FBXL13: variants seen among roughly 807,000 people sequenced by gnomAD.
The protein encoded by FBXL13 is F-box and leucine-rich repeat protein 13.
In FBXL13, 67 loss-of-function variants were observed where a neutral mutation model predicts 83.6. The observed-to-expected ratio is 0.80, with a 90% CI of 0.66 to 0.98. FBXL13 has a LOEUF of 0.98. FBXL13 is among the 50% of genes least tolerant of loss of function. FBXL13 has a pLI of 0.00. For synonymous variants in FBXL13, 272 were observed against 299.5 expected, an observed-to-expected ratio of 0.91 and a Z score of 0.95; for missense variants, 822 against 866.5, an observed-to-expected ratio of 0.95 and a Z score of 0.64.
chr7:102,816,325 G>A (rs1199530755), intron 19 of FBXL13: 1 of 152,232 alleles, frequency 6.6e-6, no homozygotes, highest in Non-Finnish European at 1.5e-5. Context: ...AGCAAGGGTG[G>A]TCCTAGGGAA....
At chr7:102,923,859 T>C (rs765202296) in intron 10 of FBXL13, among the ~76,000 whole-genome samples, 1 of 151,856 alleles carries the variant, frequency 6.6e-6, no homozygotes, top group African/African-American at 2.4e-5. Flanking sequence ...ATTTTAGATA[T>C]ATAAGAAGGA....
chr7:102,909,486 A>G (rs1814304112), intron 11 of FBXL13, among the ~76,000 whole-genome samples: 1 of 152,004 alleles, frequency 6.6e-6, no homozygotes, highest in South Asian at 2.1e-4. Flanking sequence ...CTAGCTGGTA[A>G]TATGCTGAGT....
chr7:102,939,009 A>G (rs549812255), intron 8 of FBXL13, among the ~76,000 whole-genome samples: 25 of 152,096 alleles, frequency 1.6e-4, no homozygotes, highest in Non-Finnish European at 2.2e-4. Flanking sequence ...TTTTCGACCC[A>G]TTTATTTGTG....
At position 102,948,516 on chromosome 7, in the gene FBXL13, C is replaced by T. The variant is rs369726035; in HGVS notation, c.724+15017G>A. 1.1e-4 allele frequency among the ~76,000 whole-genome samples: 17 copies of T among 149,298 alleles called. No homozygotes were observed. The East Asian group carries it at 2.0e-3, about 18-fold the overall frequency. ...TCGGCTCACTGCAACTTCCACCTTC[C>T]GGGTTCAAGCAATTCTCCTGCCTCA... On this transcript the variant is annotated intron_variant, in intron 8 of 19. Transcript: ENST00000313221.
At chr7:102,905,775 G>A (rs1813654234) in intron 11 of FBXL13, among the ~76,000 whole-genome samples, 1 of 151,800 alleles carries the variant, frequency 6.6e-6, no homozygotes, top group African/African-American at 2.4e-5. Flanking sequence ...AGTTTTTTGT[G>A]TATCTACTGT....
intron 7 of FBXL13, among the ~76,000 whole-genome samples, chr7:102,964,954 CAGAAAG>C (rs959558492): frequency 1.3e-5 from 2 of 152,126 alleles, no homozygotes; most frequent in African/African-American, 4.8e-5. Context: ...AAGCACAACT[CAGAAAG>C]AGAAAATCTA....
At chr7:102,930,242 C>T (rs180816271) in intron 9 of FBXL13, among the ~76,000 whole-genome samples, 1 of 152,296 alleles carries the variant, frequency 6.6e-6, no homozygotes, top group Non-Finnish European at 1.5e-5. Flanking sequence ...GCGAGGAGGG[C>T]TTGGCCTTCA....
intron 16 of FBXL13, among the ~76,000 whole-genome samples, chr7:102,872,849 T>A (rs1808707772): frequency 6.6e-6 from 1 of 152,168 alleles, no homozygotes; most frequent in African/African-American, 2.4e-5. Flanking sequence ...CTGTTTATAT[T>A]AGAAGAGGCA....
At chr7:103,053,981 T>C (rs1248087661) in intron 2 of FBXL13, among the ~76,000 whole-genome samples, 1 of 152,160 alleles carries the variant, frequency 6.6e-6, no homozygotes, top group East Asian at 1.9e-4. Flanking sequence ...ATGCCTCAAA[T>C]TGTTTTTGCC....
intron 17 of FBXL13, among the ~76,000 whole-genome samples, chr7:102,834,086 A>AAGGAAGGAAGGG (rs1562925844): frequency 1.1e-5 from 1 of 93,694 alleles, no homozygotes. Context: ...GGAAGGAAAG[A>AAGGAAGGAAGGG]AAAGAAAGAA....
At chr7:103,029,948 T>C (rs1465147681) in intron 2 of FBXL13, among the ~76,000 whole-genome samples, 1 of 152,220 alleles carries the variant, frequency 6.6e-6, no homozygotes, top group Non-Finnish European at 1.5e-5. Flanking sequence ...CACAATAACA[T>C]GTGGCAACAG....
chr7:102,883,659 A>G lies in FBXL13; in HGVS notation c.1134T>C (p.Ile378=), dbSNP rs367854982. ...GTGCACCAGTGAAAACCAGCGATGT[A>G]ATACGAGAGCATTTTTCAACTAAAG... The change falls in exon 13 of 20, where the codon ATT becomes ATC. Residue 378 remains isoleucine, a synonymous_variant. Coordinates refer to ENST00000313221, the Ensembl canonical transcript of FBXL13. The G allele has an allele frequency of 2.5e-6, 4 of 1,609,524 alleles. No homozygotes were observed. The African/African-American group carries it at 4.0e-5, about 16-fold the overall frequency.
At chr7:103,061,394 C>T (rs1291906332) in intron 1 of FBXL13, among the ~76,000 whole-genome samples, 1 of 152,100 alleles carries the variant, frequency 6.6e-6, no homozygotes. Flanking sequence ...AAATCATGTG[C>T]TTTTCTTTGT....
chr7:102,869,968 A>G (rs545041124), intron 16 of FBXL13, among the ~76,000 whole-genome samples: 2 of 152,334 alleles, frequency 1.3e-5, no homozygotes, highest in South Asian at 4.1e-4. Flanking sequence ...ATTAGACTCT[A>G]TCAATGACTA....
intron 11 of FBXL13, among the ~76,000 whole-genome samples, chr7:102,887,124 T>C (rs1195660294): frequency 2.6e-5 from 4 of 152,214 alleles, no homozygotes; most frequent in Non-Finnish European, 4.4e-5. Flanking sequence ...CTCATGATAT[T>C]ATTTCATGAA....
At chr7:103,058,651 G>A (rs1336171852) in intron 1 of FBXL13, among the ~76,000 whole-genome samples, 2 of 152,176 alleles carry the variant, frequency 1.3e-5, no homozygotes, top group African/African-American at 2.4e-5. Flanking sequence ...ATCACCTGGA[G>A]AATGAATTTG....
At chr7:103,025,353 C>A in intron 5 of FBXL13, 123 bp from the exon 7 acceptor site, 2 of 557,350 alleles carry the variant, frequency 3.6e-6, no homozygotes, top group African/African-American at 1.9e-5. Flanking sequence ...TGATCGTCAT[C>A]ATTACTACAT....
chr7:102,820,345 G>A (rs183808183), intron 19 of FBXL13, among the ~76,000 whole-genome samples: 3 of 152,298 alleles, frequency 2.0e-5, no homozygotes, highest in East Asian at 3.9e-4. Context: ...ATAGGCCTTC[G>A]GCTGTCATGG....
intron 6 of FBXL13, among the ~76,000 whole-genome samples, chr7:102,983,878 C>T (rs1828601094): frequency 6.6e-6 from 1 of 152,126 alleles, no homozygotes; most frequent in African/African-American, 2.4e-5. Flanking sequence ...ATAAGACTCT[C>T]CCTCAGGGCA....
Sources: gnomAD v4.1 joint callset for allele counts (sites outside exome capture counted in the v4.1 genomes callset) on GRCh38, gnomAD v4.1.1 for gene constraint, MANE v1.5 for transcripts, NCBI Gene and HGNC (gene_info 2026-07-23, HGNC 2026-07-21) for gene names.